The following PALLD variants were observed in gnomAD, a reference collection of about 807,000 sequenced individuals.
PALLD encodes the protein palladin.
A neutral mutation model predicts 123.5 loss-of-function variants in PALLD; 61 were observed. That is an observed-to-expected ratio of 0.49 (90% CI 0.40 to 0.61). The LOEUF (loss-of-function observed/expected upper bound fraction) is 0.61, where lower values mean the gene tolerates loss of function less well. Ranked by LOEUF, PALLD falls within the 20% of genes least tolerant of loss-of-function variation. The probability of loss-of-function intolerance (pLI) is 0.00; values close to 1 mark genes in which losing one functional copy is unlikely to be tolerated. For missense variants in PALLD, 1,273 were observed against 1,377.0 expected (o/e 0.92, Z 1.20); for synonymous variants, 465 against 496.4 (o/e 0.94, Z 0.84).
At chr4:168,641,410 T>C (rs1418870580) in intron 2 of PALLD, among the ~76,000 whole-genome samples, 1 of 152,062 alleles carries the variant, frequency 6.6e-6, no homozygotes, top group Non-Finnish European at 1.5e-5. Context: ...GATCTACCTT[T>C]GCCCTGGGAT....
chr4:168,736,242 T>C (rs146797849), intron 10 of PALLD, among the ~76,000 whole-genome samples: 1 of 152,250 alleles, frequency 6.6e-6, no homozygotes, highest in African/African-American at 2.4e-5. Flanking sequence ...ACTTTTATTC[T>C]GGTATGTATA....
At chr4:168,699,951 TA>T (rs1043893029) in intron 8 of PALLD, 1 of 166,502 alleles carries the variant, frequency 6.0e-6, no homozygotes, top group Non-Finnish European at 1.3e-5. Flanking sequence ...AGTAAGTCTC[TA>T]AATCCCTTTA....
In PALLD at chr4:168,782,632, G is replaced by A. The variant is rs575213458; in HGVS notation, c.1964+70709G>A. ...GCCAATAAAACTTTATTTACAGGCC[G>A]GTCACGGTGGCTCATGACTGTAATC... is the stretch of plus-strand genomic sequence containing the variant. On this transcript the variant is annotated intron_variant, in intron 10 of 21. Coordinates refer to ENST00000505667, the MANE Select transcript of PALLD (RefSeq NM_001166108.2). Among the ~76,000 whole-genome samples, 35 of 152,118 alleles carry A rather than the reference G, an allele frequency of 2.3e-4. No homozygotes were observed. The East Asian group carries it at 3.1e-3, about 13-fold the overall frequency.
intron 18 of PALLD, among the ~76,000 whole-genome samples, chr4:168,923,979 C>T (rs1274859555): frequency 1.3e-5 from 2 of 152,202 alleles, no homozygotes; most frequent in Non-Finnish European, 2.9e-5. Flanking sequence ...GAGTCTCCCA[C>T]AGCTGGTCAG....
intron 15 of PALLD, among the ~76,000 whole-genome samples, chr4:168,912,069 T>G (rs540931068): frequency 6.6e-6 from 1 of 152,260 alleles, no homozygotes; most frequent in African/African-American, 2.4e-5. Flanking sequence ...AGTCCTGCCC[T>G]TCAGTGAATC....
At chr4:168,571,016 T>C (rs1437634986) in intron 2 of PALLD, among the ~76,000 whole-genome samples, 2 of 152,212 alleles carry the variant, frequency 1.3e-5, no homozygotes, top group Non-Finnish European at 2.9e-5. Context: ...TTGATTTTTA[T>C]TCTCTGGAGC....
At chr4:168,776,427 C>T (rs2150526408) in intron 10 of PALLD, among the ~76,000 whole-genome samples, 1 of 152,252 alleles carries the variant, frequency 6.6e-6, no homozygotes, top group East Asian at 1.9e-4. Flanking sequence ...TGGATTTCTA[C>T]ATAATAGTGT....
chr4:168,642,306 A>G (rs1321824614), intron 2 of PALLD, among the ~76,000 whole-genome samples: 1 of 151,966 alleles, frequency 6.6e-6, no homozygotes, highest in African/African-American at 2.4e-5. Flanking sequence ...ACGCAACCGA[A>G]CTCCCAGTCT....
intron 2 of PALLD, among the ~76,000 whole-genome samples, chr4:168,526,566 G>T (rs1408193561): frequency 6.6e-6 from 1 of 152,052 alleles, no homozygotes; most frequent in African/African-American, 2.4e-5. Flanking sequence ...CTTCCAGGAG[G>T]TCTTCGTATC....
At chr4:168,562,595 G>A (rs1767973883) in intron 2 of PALLD, among the ~76,000 whole-genome samples, 1 of 152,210 alleles carries the variant, frequency 6.6e-6, no homozygotes. Context: ...GTGGTCAGGG[G>A]AGATCTCCCT....
At chr4:168,725,913 G>A (rs945947484) in intron 10 of PALLD, among the ~76,000 whole-genome samples, 10 of 152,304 alleles carry the variant, frequency 6.6e-5, no homozygotes, top group Admixed American at 4.6e-4. Flanking sequence ...GCTAGTTACA[G>A]GGGCAAATTC....
chr4:168,927,374 A>C lies in PALLD; in HGVS notation c.*1194A>C, dbSNP rs980263210. The C allele has an allele frequency of 1.7e-5, 4 of 232,770 alleles. No homozygotes were observed. Among genetic ancestry groups the C allele is most frequent in the Non-Finnish European group, 3.4e-5 (4 of 117,700 alleles). The allele number at this position is 232,770 out of a possible 1,614,324, so 14.4% of individuals were successfully genotyped here. Reference sequence around the variant, plus strand: ...TTCACAAGTCAAGGAACCCAGGGCCAGCTGGAAGTGTGGAGCACACATGCT... The same window carrying C: ...TTCACAAGTCAAGGAACCCAGGGCCCGCTGGAAGTGTGGAGCACACATGCT... On this transcript the variant is annotated 3_prime_UTR_variant, in exon 22 of 22. Coordinates refer to ENST00000505667, the MANE Select transcript of PALLD (RefSeq NM_001166108.2).
At chr4:168,598,490 C>T (rs1772215231) in intron 2 of PALLD, 3 of 544,184 alleles carry the variant, frequency 5.5e-6, no homozygotes, top group Non-Finnish European at 1.1e-5. Flanking sequence ...GAGAGAAGAA[C>T]TAGAGAGAGG....
chr4:168,878,370 G>T (rs557697540), intron 10 of PALLD: 2 of 1,514,546 alleles, frequency 1.3e-6, no homozygotes, highest in East Asian at 5.1e-5. Flanking sequence ...AACGCCCTGG[G>T]GCTGCCCAAG....
intron 2 of PALLD, among the ~76,000 whole-genome samples, chr4:168,533,832 G>C (rs989555950): frequency 2.6e-5 from 4 of 152,214 alleles, no homozygotes; most frequent in African/African-American, 9.7e-5. Flanking sequence ...GGAGGATCTA[G>C]AGAGATCAAT....
At chr4:168,703,839 T>C (rs1783948413) in intron 8 of PALLD, among the ~76,000 whole-genome samples, 1 of 145,640 alleles carries the variant, frequency 6.9e-6, no homozygotes, top group Admixed American at 6.7e-5. Context: ...GTTGCGAACA[T>C]TTTCTCCCAT....
rs1322238946 is a variant in PALLD, at chr4:168,856,765, C to T, written c.1965-34157C>T. Among the ~76,000 whole-genome samples the T allele has an allele frequency of 2.6e-5, 4 of 152,210 alleles. No homozygotes were observed. In the East Asian group the frequency reaches 7.7e-4, roughly 29 times the overall value. On this transcript the variant is annotated intron_variant, in intron 10 of 21. Coordinates refer to ENST00000505667, the MANE Select transcript of PALLD (RefSeq NM_001166108.2). ...AATTTAAACACAGGCAGTCTAACTC[C>T]AGAGCCTACATGGCTAAGAAGTACA...
intron 10 of PALLD, among the ~76,000 whole-genome samples, chr4:168,815,913 A>C (rs1029102426): frequency 5.9e-5 from 9 of 152,218 alleles, no homozygotes; most frequent in African/African-American, 9.6e-5. Context: ...TTCTGGGAAA[A>C]TCGCTCACTC....
intron 1 of PALLD, among the ~76,000 whole-genome samples, chr4:168,499,592 T>C (rs1157677034): frequency 6.6e-6 from 1 of 152,096 alleles, no homozygotes; most frequent in Admixed American, 6.5e-5. Flanking sequence ...ACTTATAACT[T>C]TTTTTCAAAA....
Sources: allele counts gnomAD v4.1 joint callset (sites outside exome capture counted in the v4.1 genomes callset), GRCh38; gene constraint gnomAD v4.1.1; transcripts MANE v1.5; gene names NCBI Gene and HGNC (gene_info 2026-07-23, HGNC 2026-07-21).